CAMKMT: variants seen among roughly 807,000 people sequenced by gnomAD.
CAMKMT encodes the protein calmodulin-lysine N-methyltransferase.
A neutral mutation model predicts 48.0 loss-of-function variants in CAMKMT; 53 were observed. That is an observed-to-expected ratio of 1.10 (90% confidence interval 0.89 to 1.39). The LOEUF (loss-of-function observed/expected upper bound fraction) is 1.39, where lower values mean the gene tolerates loss of function less well. Ranked by LOEUF, CAMKMT falls within the 40% of genes most tolerant of loss-of-function variation. The pLI is 0.00. For synonymous variants in CAMKMT, 165 were observed against 152.3 expected, an observed-to-expected ratio of 1.08 and a Z score of -0.61; for missense variants, 428 against 402.7, an observed-to-expected ratio of 1.06 and a Z score of -0.54.
intron 2 of CAMKMT, among the ~76,000 whole-genome samples, chr2:44,383,415 G>A (rs888904504): frequency 1.3e-5 from 2 of 151,974 alleles, no homozygotes; most frequent in Non-Finnish European, 1.5e-5. Flanking sequence ...CGCCTGCCTC[G>A]GCCTCCCAAA....
intron 7 of CAMKMT, among the ~76,000 whole-genome samples, chr2:44,716,757 A>G (rs2104306629): frequency 6.6e-6 from 1 of 152,300 alleles, no homozygotes; most frequent in Non-Finnish European, 1.5e-5. Context: ...TTTAGTTATC[A>G]ATCAAAAGTG....
chr2:44,733,219 C>G (rs575080639), intron 7 of CAMKMT, among the ~76,000 whole-genome samples: 1 of 152,232 alleles, frequency 6.6e-6, no homozygotes, highest in African/African-American at 2.4e-5. Flanking sequence ...TATTTAATTT[C>G]TCTCATCCAT....
At chr2:44,528,860 G>C (rs191580297) in intron 3 of CAMKMT, among the ~76,000 whole-genome samples, 10 of 151,580 alleles carry the variant, frequency 6.6e-5, no homozygotes, top group Non-Finnish European at 1.3e-4. Flanking sequence ...TGATTCCAGG[G>C]TGTTTTTTTG....
At chr2:44,632,382 A>G (rs1003884270) in intron 3 of CAMKMT, among the ~76,000 whole-genome samples, 2 of 152,036 alleles carry the variant, frequency 1.3e-5, no homozygotes, top group Non-Finnish European at 2.9e-5. Flanking sequence ...ATTATTTTTT[A>G]TTTTTTGAGG....
At chr2:44,512,370 C>T (rs936929281) in intron 3 of CAMKMT, among the ~76,000 whole-genome samples, 33 of 152,196 alleles carry the variant, frequency 2.2e-4, no homozygotes, top group African/African-American at 7.7e-4. Context: ...AAGCACTTAG[C>T]ATAGCACCTG....
intron 3 of CAMKMT, among the ~76,000 whole-genome samples, chr2:44,626,830 T>C (rs1323535918): frequency 1.3e-5 from 2 of 152,160 alleles, no homozygotes; most frequent in Admixed American, 6.5e-5. Context: ...ATAAAGACAA[T>C]TTTACTTCAC....
At chr2:44,454,990 C>T (rs926974319) in intron 3 of CAMKMT, among the ~76,000 whole-genome samples, 7 of 152,108 alleles carry the variant, frequency 4.6e-5, no homozygotes, top group Non-Finnish European at 1.0e-4. Context: ...TCTTAATTTA[C>T]CCATGGATAG....
intron 3 of CAMKMT, among the ~76,000 whole-genome samples, chr2:44,681,558 AG>A (rs1406588409): frequency 8.7e-6 from 1 of 114,590 alleles, no homozygotes; most frequent in Non-Finnish European, 1.8e-5. Context: ...TTTTTTTTGG[AG>A]GGGGAGGGGA....
chr2:44,638,212 C>CT (rs764645205), intron 3 of CAMKMT, among the ~76,000 whole-genome samples: 49 of 152,238 alleles, frequency 3.2e-4, no homozygotes, highest in Admixed American at 1.3e-4. Flanking sequence ...GAAACTGTAT[C>CT]TTTGGCAACT....
At chr2:44,694,979 T>C (rs546823930) in intron 3 of CAMKMT, among the ~76,000 whole-genome samples, 1 of 152,342 alleles carries the variant, frequency 6.6e-6, no homozygotes, top group South Asian at 2.1e-4. Context: ...TGCTTCTTAA[T>C]AACGTTTATA....
chr2:44,491,645 G>A (rs1050877959), intron 3 of CAMKMT, among the ~76,000 whole-genome samples: 2 of 152,180 alleles, frequency 1.3e-5, no homozygotes, highest in African/African-American at 4.8e-5. Flanking sequence ...ATAAATGCCT[G>A]ACTTTCGGCC....
At chr2:44,383,651 C>T (rs1343182257) in intron 2 of CAMKMT, among the ~76,000 whole-genome samples, 2 of 152,110 alleles carry the variant, frequency 1.3e-5, no homozygotes, top group Non-Finnish European at 2.9e-5. Context: ...CCCCGCAAGT[C>T]CCCAAAGTCC....
chr2:44,630,180 A>G (rs1672734328), intron 3 of CAMKMT, among the ~76,000 whole-genome samples: 2 of 151,696 alleles, frequency 1.3e-5, no homozygotes, highest in African/African-American at 4.8e-5. Context: ...TGCTGGGAAA[A>G]CTGGCTAGCC....
intron 3 of CAMKMT, among the ~76,000 whole-genome samples, chr2:44,399,142 A>G (rs929642914): frequency 3.3e-5 from 5 of 152,200 alleles, no homozygotes; most frequent in African/African-American, 1.2e-4. Context: ...TTTGCTGCAC[A>G]TGGTAAATTC....
chr2:44,758,750 C>G (rs1031282816), intron 9 of CAMKMT, among the ~76,000 whole-genome samples: 2 of 152,176 alleles, frequency 1.3e-5, no homozygotes, highest in African/African-American at 2.4e-5. Context: ...AAGTCCATGA[C>G]AACAGCAGTG....
intron 3 of CAMKMT, among the ~76,000 whole-genome samples, chr2:44,467,624 G>A (rs1288846743): frequency 6.6e-6 from 1 of 151,686 alleles, no homozygotes; most frequent in Non-Finnish European, 1.5e-5. Context: ...CAAAGCGACA[G>A]TCAGCAAAAC....
chr2:44,759,846 T>C (rs1323601437), intron 9 of CAMKMT, among the ~76,000 whole-genome samples: 1 of 152,218 alleles, frequency 6.6e-6, no homozygotes, highest in Non-Finnish European at 1.5e-5. Flanking sequence ...CCAAAGACGT[T>C]GCAGTCTGGT....
At chr2:44,520,940 G>C (rs1354975579) in intron 3 of CAMKMT, among the ~76,000 whole-genome samples, 1 of 152,196 alleles carries the variant, frequency 6.6e-6, no homozygotes, top group Non-Finnish European at 1.5e-5. Context: ...TAAGTTTCCT[G>C]AGGTTTCCCC....
intron 3 of CAMKMT, among the ~76,000 whole-genome samples, chr2:44,643,679 T>C (rs1215868284): frequency 6.6e-6 from 1 of 152,192 alleles, no homozygotes; most frequent in African/African-American, 2.4e-5. Flanking sequence ...ATATTCTGTA[T>C]TTTTCTCAGA....
Sources: allele counts gnomAD v4.1 joint callset (sites outside exome capture counted in the v4.1 genomes callset), GRCh38; gene constraint gnomAD v4.1.1; transcripts MANE v1.5; gene names NCBI Gene and HGNC (gene_info 2026-07-23, HGNC 2026-07-21).